ITGA8: variants seen among roughly 807,000 people sequenced by gnomAD.
ITGA8 encodes the protein integrin subunit alpha 8.
A neutral mutation model predicts 142.3 loss-of-function variants in ITGA8; 91 were observed. The ratio of observed to expected loss-of-function variants is 0.64; its 90% CI spans 0.54 to 0.76. The LOEUF is 0.76. Among genes scored for constraint, ITGA8 ranks in the 30% least tolerant of loss-of-function variants. The pLI, the probability that ITGA8 is intolerant of heterozygous loss-of-function variation, is 0.00. For synonymous variants in ITGA8, 505 were observed against 485.2 expected (o/e 1.04, Z -0.54); for missense variants, 1,406 against 1,327.7 (o/e 1.06, Z -0.92).
At position 15,522,774 on chromosome 10, in the gene ITGA8, G is replaced by A. The variant is rs565992919; in HGVS notation, c.2983-3362C>T. ...TGCCTGTAATCCCAGCACTTTGGGA[G>A]GCCAAGGCAGGTGGATCACCTGAGG... is the stretch of plus-strand genomic sequence containing the variant. On this transcript the variant is annotated intron_variant, in intron 28 of 29. Transcript: ENST00000378076. 4.4e-4 allele frequency among the ~76,000 whole-genome samples: 67 copies of A among 152,302 alleles called. 3 individuals carry two copies. In the South Asian group the frequency reaches 0.013, roughly 29 times the overall value.
chr10:15,679,720 T>G (rs912835101), intron 4 of ITGA8, among the ~76,000 whole-genome samples: 1 of 152,240 alleles, frequency 6.6e-6, no homozygotes, highest in African/African-American at 2.4e-5. Context: ...TGGCTTATCT[T>G]GCTTTCTATC....
At chr10:15,567,892 C>A (rs1834107674) in intron 25 of ITGA8, among the ~76,000 whole-genome samples, 1 of 152,128 alleles carries the variant, frequency 6.6e-6, no homozygotes, top group African/African-American at 2.4e-5. Context: ...ATCCCATAAA[C>A]CCTGATATGA....
At chr10:15,712,478 G>C (rs1207156938) in intron 2 of ITGA8, among the ~76,000 whole-genome samples, 1 of 152,192 alleles carries the variant, frequency 6.6e-6, no homozygotes. Context: ...GTGGGCACCT[G>C]TAATCCCAGC....
Position 15,646,938 on chromosome 10 carries a change from C to T in ITGA8, c.1115G>A (p.Arg372Lys), listed in dbSNP as rs200233925. Residue 372 changes from arginine (R) to lysine (K), a missense_variant, in exon 12 of 30, where the codon AGA becomes AAA. Arg to Lys is a conservative substitution (Grantham distance 26). Coordinates refer to ENST00000378076, the MANE Select transcript of ITGA8 (RefSeq NM_003638.3). ...LYLQVSSLLF[R>K]DPQILTGTET... ...GGTGCCAGTGAGGATCTGGGGGTCT[C>T]TGAAGAGGAGAGAGCTCACTTGCAA... 1 of 1,614,020 alleles carries T rather than the reference C, an allele frequency of 6.2e-7. No individual in the cohort carries two copies. Among genetic ancestry groups the T allele is most frequent in the Admixed American group, 1.7e-5 (1 of 60,006 alleles).
intron 22 of ITGA8, among the ~76,000 whole-genome samples, chr10:15,587,295 C>G (rs1275546127): frequency 6.6e-6 from 1 of 152,186 alleles, no homozygotes; most frequent in Non-Finnish European, 1.5e-5. Flanking sequence ...CTACCTTTGA[C>G]AAATTCCTTA....
chr10:15,670,133 A>G (rs1410211261), intron 8 of ITGA8, among the ~76,000 whole-genome samples: 2 of 152,148 alleles, frequency 1.3e-5, no homozygotes, highest in African/African-American at 2.4e-5. Context: ...TTGGCTCCCA[A>G]CTCCATTTAC....
At chr10:15,626,016 G>T (rs1327444785) in intron 13 of ITGA8, among the ~76,000 whole-genome samples, 2 of 152,110 alleles carry the variant, frequency 1.3e-5, no homozygotes, top group East Asian at 3.9e-4. Context: ...TTGCCAGCCA[G>T]GTATACAGGA....
At chr10:15,599,710 C>G (rs1485720130) in intron 20 of ITGA8, among the ~76,000 whole-genome samples, 1 of 49,430 alleles carries the variant, frequency 2.0e-5, no homozygotes, top group East Asian at 6.4e-4. Context: ...CGCCTGAGGT[C>G]AGCAGTTTGA....
intron 25 of ITGA8, among the ~76,000 whole-genome samples, chr10:15,564,584 G>A (rs1317005010): frequency 6.6e-6 from 1 of 152,192 alleles, no homozygotes; most frequent in South Asian, 2.1e-4. Flanking sequence ...AGCCCAACAG[G>A]AATTTTCTAT....
intron 13 of ITGA8, among the ~76,000 whole-genome samples, chr10:15,624,178 G>A (rs147238318): frequency 5.9e-5 from 9 of 152,256 alleles, no homozygotes; most frequent in African/African-American, 1.2e-4. Flanking sequence ...TGACTTGCCC[G>A]TTGTCTCTCT....
At chr10:15,538,014 C>G (rs1402420858) in intron 27 of ITGA8, among the ~76,000 whole-genome samples, 1 of 151,808 alleles carries the variant, frequency 6.6e-6, no homozygotes, top group Non-Finnish European at 1.5e-5. Context: ...TGGCATGGGT[C>G]TGTAGTCCCA....
chr10:15,702,938 T>C (rs1366652925), intron 2 of ITGA8, among the ~76,000 whole-genome samples: 1 of 152,218 alleles, frequency 6.6e-6, no homozygotes, highest in Admixed American at 6.5e-5. Flanking sequence ...TAGTCACTGT[T>C]CAGTTTGGTA....
At chr10:15,629,112 C>A (rs11253584) in intron 13 of ITGA8, among the ~76,000 whole-genome samples, 101,763 of 151,636 alleles carry the variant, frequency 0.67, 35,955 homozygotes, top group South Asian at 0.86. Flanking sequence ...CAGCCAAGAG[C>A]AGCTGGCATC....
chr10:15,650,795 G>T (rs1412376978), intron 11 of ITGA8, among the ~76,000 whole-genome samples: 3 of 152,010 alleles, frequency 2.0e-5, no homozygotes, highest in African/African-American at 7.2e-5. Context: ...TTTATTAAAA[G>T]AATACAGATT....
chr10:15,633,654 AG>A (rs1266252086), intron 13 of ITGA8, among the ~76,000 whole-genome samples: 2 of 152,158 alleles, frequency 1.3e-5, no homozygotes, highest in African/African-American at 2.4e-5. Flanking sequence ...TCCTGATCTC[AG>A]GTGATCTGCC....
intron 22 of ITGA8, among the ~76,000 whole-genome samples, chr10:15,587,732 G>A (rs953697428): frequency 6.6e-6 from 1 of 152,180 alleles, no homozygotes; most frequent in African/African-American, 2.4e-5. Flanking sequence ...GATAGAAGGT[G>A]TGTGTTTAAC....
rs926401737 is a variant in ITGA8 at position 15,599,555 on chromosome 10, C to T, written c.2119-2256G>A. ...GACAAAGGAGGACCTGCACATAGAT[C>T]CAAGCAATCAGAGAAGGCATCCTGG... On this transcript the variant is annotated intron_variant, in intron 20 of 29. Transcript: ENST00000378076. 2.0e-5 allele frequency among the ~76,000 whole-genome samples: 3 copies of T among 152,092 alleles called. No homozygotes were observed. In the East Asian group the frequency reaches 5.8e-4, roughly 29 times the overall value.
intron 27 of ITGA8, 39 bp downstream of exon 27, chr10:15,548,416 A>G (rs1833720647): frequency 3.7e-6 from 5 of 1,366,200 alleles, no homozygotes; most frequent in Non-Finnish European, 5.2e-6. Context: ...AGCAGCTCCC[A>G]GTGAGCAGTG....
intron 23 of ITGA8, among the ~76,000 whole-genome samples, chr10:15,586,151 C>T (rs533414976): frequency 2.7e-5 from 4 of 149,494 alleles, no homozygotes; most frequent in East Asian, 4.0e-4. Context: ...CTCTGCCTCC[C>T]GGGTTCAAGT....
Sources: gnomAD v4.1 joint callset for allele counts (sites outside exome capture counted in the v4.1 genomes callset) on GRCh38, gnomAD v4.1.1 for gene constraint, MANE v1.5 for transcripts, NCBI Gene and HGNC (gene_info 2026-07-23, HGNC 2026-07-21) for gene names.